The following PGM5 variants were observed in gnomAD, a reference collection of about 807,000 sequenced individuals.
PGM5 encodes the protein phosphoglucomutase 5, also known as phosphoglucomutase-like protein 5.
A neutral mutation model predicts 59.2 loss-of-function variants in PGM5; 23 were observed. That is an observed-to-expected ratio of 0.39 (90% CI 0.28 to 0.55). The LOEUF is 0.55. Ranked by LOEUF, PGM5 falls within the 20% of genes least tolerant of loss-of-function variation. The pLI is 0.66. For synonymous variants in PGM5, 214 were observed against 286.0 expected (o/e 0.75, Z 2.54); for missense variants, 574 against 748.3 (o/e 0.77, Z 2.72).
At chr9:68,503,473 G>A (rs928806338) in intron 10 of PGM5, among the ~76,000 whole-genome samples, 2 of 152,228 alleles carry the variant, frequency 1.3e-5, no homozygotes, top group Admixed American at 6.5e-5. Context: ...TACTGAATGT[G>A]TATCTCTTTC....
At chr9:68,406,722 A>ATGTG (rs1563996780) in intron 6 of PGM5, among the ~76,000 whole-genome samples, 2 of 88,492 alleles carry the variant, frequency 2.3e-5, no homozygotes, top group Non-Finnish European at 2.2e-5. Flanking sequence ...ATATATATAT[A>ATGTG]TATGTATATA....
chr9:68,433,485 T>C (rs1444492043), intron 6 of PGM5, among the ~76,000 whole-genome samples: 3 of 152,250 alleles, frequency 2.0e-5, no homozygotes, highest in Non-Finnish European at 4.4e-5. Flanking sequence ...TAACCTCCTA[T>C]AGGATTATTT....
intron 6 of PGM5, among the ~76,000 whole-genome samples, chr9:68,434,273 T>G (rs1461433126): frequency 1.4e-4 from 19 of 138,126 alleles, no homozygotes; most frequent in South Asian, 2.2e-4. Context: ...GCCAAGATTG[T>G]GCCACTGCAG....
chr9:68,363,076 G>T (rs527858342), intron 1 of PGM5, among the ~76,000 whole-genome samples: 156 of 151,640 alleles, frequency 1.0e-3, no homozygotes, highest in African/African-American at 3.6e-3. Context: ...CACCATGTCG[G>T]CCAGGCTGGT....
At chr9:68,360,310 A>G (rs559172356) in intron 1 of PGM5, among the ~76,000 whole-genome samples, 1 of 151,312 alleles carries the variant, frequency 6.6e-6, no homozygotes, top group Admixed American at 6.6e-5. Flanking sequence ...AATTAAAAAT[A>G]TAATATCAAA....
intron 9 of PGM5, 160 bp from the exon 10 acceptor site, chr9:68,499,067 T>A: frequency 1.4e-6 from 1 of 730,718 alleles, no homozygotes; most frequent in Non-Finnish European, 2.3e-6. Context: ...AGTAGGTTCA[T>A]CACATTCATT....
chr9:68,390,840 C>G (rs1822346527), intron 4 of PGM5, among the ~76,000 whole-genome samples: 1 of 152,092 alleles, frequency 6.6e-6, no homozygotes, highest in African/African-American at 2.4e-5. Context: ...TTCTCTGAAG[C>G]CATTGGATAT....
At chr9:68,395,323 C>G (rs1309139648) in intron 6 of PGM5, among the ~76,000 whole-genome samples, 2 of 151,602 alleles carry the variant, frequency 1.3e-5, no homozygotes, top group East Asian at 3.9e-4. Context: ...CTATTCTATA[C>G]CACTGATCCA....
In PGM5 at chr9:68,475,209, ATT is replaced by A. The variant is rs1479215515; in HGVS notation, c.1160-4205_1160-4204del. On this transcript the variant is annotated intron_variant, in intron 7 of 10. Coordinates refer to ENST00000396396, the MANE Select transcript of PGM5 (RefSeq NM_021965.4). ...ATTTTTTTTTTTTTTTTTTTTTTGT[ATT>A]TTTAGTAGAGACGAGGTTTCACCAT... Among the ~76,000 whole-genome samples the A allele has an allele frequency of 7.4e-5, 5 of 67,596 alleles. No individual in the cohort carries two copies. In the East Asian group the frequency reaches 2.1e-3, roughly 28 times the overall value. 44.3% of individuals were successfully genotyped at this position (67,596 alleles called of 152,430 possible). A position where few individuals can be genotyped will look rare whatever the true frequency, so the allele number is the denominator to read the frequency against.
At chr9:68,426,920 G>C (rs1388041796) in intron 6 of PGM5, 1 of 152,228 alleles carries the variant, frequency 6.6e-6, no homozygotes, top group Non-Finnish European at 1.5e-5. Flanking sequence ...CCTTAATCAT[G>C]TTGGCATCCT....
intron 9 of PGM5, among the ~76,000 whole-genome samples, chr9:68,488,279 G>C (rs1447642452): frequency 6.6e-6 from 1 of 152,140 alleles, no homozygotes; most frequent in Non-Finnish European, 1.5e-5. Flanking sequence ...GCTTTAGAAA[G>C]CGAAAGGTTT....
At chr9:68,369,387 G>A (rs1379363157) in intron 1 of PGM5, among the ~76,000 whole-genome samples, 2 of 152,154 alleles carry the variant, frequency 1.3e-5, no homozygotes, top group Non-Finnish European at 2.9e-5. Flanking sequence ...CCACACCCAG[G>A]TAGACCCAAT....
intron 6 of PGM5, among the ~76,000 whole-genome samples, chr9:68,421,417 G>A (rs150166630): frequency 2.3e-3 from 350 of 152,216 alleles, no homozygotes; most frequent in African/African-American, 7.8e-3. Flanking sequence ...AATTCCTTCT[G>A]TTTGAAATAC....
intron 10 of PGM5, among the ~76,000 whole-genome samples, chr9:68,524,915 C>G (rs1444877335): frequency 6.6e-6 from 1 of 152,212 alleles, no homozygotes; most frequent in Admixed American, 6.5e-5. Context: ...GCTTTAGTGT[C>G]TTCATCTGTG....
chr9:68,510,149 T>A (rs1554689268), intron 10 of PGM5, among the ~76,000 whole-genome samples: 1 of 42,708 alleles, frequency 2.3e-5, no homozygotes, highest in Admixed American at 2.8e-4. Flanking sequence ...AATCAGCATT[T>A]TTTTTTTTTT....
At chr9:68,480,635 G>A (rs1465988260) in intron 8 of PGM5, among the ~76,000 whole-genome samples, 1 of 151,854 alleles carries the variant, frequency 6.6e-6, no homozygotes, top group Non-Finnish European at 1.5e-5. Context: ...GGAGGCAGAA[G>A]TTGCAGTGAG....
chr9:68,511,504 G>C (rs895991485), intron 10 of PGM5, among the ~76,000 whole-genome samples: 1 of 125,336 alleles, frequency 8.0e-6, no homozygotes, highest in Non-Finnish European at 1.7e-5. Context: ...GTGAATAAAT[G>C]TTCAATAAAT....
chr9:68,411,001 A>G (rs1554681573), intron 6 of PGM5, among the ~76,000 whole-genome samples: 2 of 152,166 alleles, frequency 1.3e-5, no homozygotes, highest in African/African-American at 2.4e-5. Context: ...AGTGCAAGCT[A>G]TTACCCTCAC....
intron 10 of PGM5, among the ~76,000 whole-genome samples, chr9:68,521,698 A>G (rs1359376387): frequency 1.3e-5 from 2 of 152,294 alleles, no homozygotes; most frequent in Admixed American, 1.3e-4. Context: ...TCCTTTTACA[A>G]TGTTTTGGTG....
Sources: gnomAD v4.1 joint callset for allele counts (sites outside exome capture counted in the v4.1 genomes callset) on GRCh38, gnomAD v4.1.1 for gene constraint, MANE v1.5 for transcripts, NCBI Gene and HGNC (gene_info 2026-07-23, HGNC 2026-07-21) for gene names.